SNTG2: variants seen among roughly 807,000 people sequenced by gnomAD.
SNTG2 encodes syntrophin gamma 2.
In SNTG2, 74 loss-of-function variants were observed where a neutral mutation model predicts 70.9. The observed-to-expected ratio is 1.04, with a 90% CI of 0.86 to 1.27. SNTG2 has a LOEUF of 1.27. SNTG2 is among the 50% of genes most tolerant of loss of function. SNTG2 has a pLI of 0.00. For missense variants in SNTG2, 717 were observed against 690.7 expected (o/e 1.04, Z -0.43); for synonymous variants, 278 against 273.8 (o/e 1.02, Z -0.15).
At chr2:1,176,480 C>G (rs186396080) in intron 8 of SNTG2, among the ~76,000 whole-genome samples, 18 of 142,434 alleles carry the variant, frequency 1.3e-4, no homozygotes, top group Admixed American at 1.2e-3. Context: ...TAAATAAAAA[C>G]TTAAACAAAA....
At chr2:1,049,994 T>C (rs1045865002) in intron 1 of SNTG2, among the ~76,000 whole-genome samples, 1 of 152,232 alleles carries the variant, frequency 6.6e-6, no homozygotes, top group African/African-American at 2.4e-5. Context: ...GATTGTGTTA[T>C]TCTCTTTTTT....
At chr2:1,232,284 C>A (rs1215702693) in intron 9 of SNTG2, among the ~76,000 whole-genome samples, 6 of 152,202 alleles carry the variant, frequency 3.9e-5, no homozygotes, top group African/African-American at 1.4e-4. Context: ...TTATTTGTGG[C>A]CTGAATTTCT....
intron 14 of SNTG2, among the ~76,000 whole-genome samples, chr2:1,284,207 G>A (rs545741279): frequency 1.3e-4 from 20 of 152,286 alleles, no homozygotes; most frequent in Non-Finnish European, 2.5e-4. Context: ...TTTCTGCTCC[G>A]TCATTCATTT....
Position 1,310,957 on chromosome 2 carries a change from T to C in SNTG2, c.1377+2371T>C, listed in dbSNP as rs73908840. On this transcript the variant is annotated intron_variant, in intron 15 of 16. Transcript: ENST00000308624. ...TCCAACTCAGCTGAGCTCCTATAAT[T>C]AAAGCGCATTTGTCTACAGCCTGGA... 4.0e-3 allele frequency among the ~76,000 whole-genome samples: 603 copies of C among 152,294 alleles called. 3 individuals carry two copies. Among genetic ancestry groups the C allele is most frequent in the African/African-American group, 0.014 (586 of 41,556 alleles).
chr2:1,290,465 C>A (rs1275753801), intron 14 of SNTG2, among the ~76,000 whole-genome samples: 1 of 152,056 alleles, frequency 6.6e-6, no homozygotes, highest in African/African-American at 2.4e-5. Context: ...TAGACATGCA[C>A]CACCACACCC....
intron 1 of SNTG2, among the ~76,000 whole-genome samples, chr2:993,052 G>T (rs1330505321): frequency 7.0e-6 from 1 of 143,434 alleles, no homozygotes; most frequent in African/African-American, 2.6e-5. Flanking sequence ...TGGTCATACA[G>T]TTGGTCTTTT....
At chr2:1,294,200 C>CATTGGGG (rs1680105988) in intron 14 of SNTG2, among the ~76,000 whole-genome samples, 1 of 152,142 alleles carries the variant, frequency 6.6e-6, no homozygotes, top group Non-Finnish European at 1.5e-5. Context: ...CGCATGGGGA[C>CATTGGGG]ACTGGGGACA....
At chr2:1,170,691 T>C (rs1323195920) in intron 7 of SNTG2, among the ~76,000 whole-genome samples, 2 of 152,164 alleles carry the variant, frequency 1.3e-5, no homozygotes, top group African/African-American at 4.8e-5. Flanking sequence ...CTAGGGAATA[T>C]ATCTGTGTAT....
At chr2:1,241,167 G>A (rs138232877) in intron 11 of SNTG2, among the ~76,000 whole-genome samples, 2 of 152,128 alleles carry the variant, frequency 1.3e-5, no homozygotes, top group Non-Finnish European at 1.5e-5. Context: ...AGACTCTTCC[G>A]AGATCTTAGG....
intron 4 of SNTG2, among the ~76,000 whole-genome samples, chr2:1,129,452 T>C (rs181322695): frequency 5.3e-5 from 8 of 152,334 alleles, no homozygotes; most frequent in Admixed American, 2.6e-4. Flanking sequence ...TTCTGGTAAA[T>C]AGACACAAAT....
intron 8 of SNTG2, among the ~76,000 whole-genome samples, chr2:1,185,083 C>T (rs1433246837): frequency 6.6e-6 from 1 of 152,214 alleles, no homozygotes; most frequent in Non-Finnish European, 1.5e-5. Context: ...AACAAAAGGG[C>T]TGCAGGCCCC....
At chr2:1,034,309 T>A (rs754768796) in intron 1 of SNTG2, among the ~76,000 whole-genome samples, 5 of 152,242 alleles carry the variant, frequency 3.3e-5, no homozygotes, top group Admixed American at 3.3e-4. Flanking sequence ...GACTGCATAG[T>A]ATTCCATGGT....
intron 14 of SNTG2, among the ~76,000 whole-genome samples, chr2:1,299,247 G>A (rs142389565): frequency 1.6e-3 from 238 of 152,296 alleles, no homozygotes; most frequent in African/African-American, 5.2e-3. Context: ...CTAGCCCTGC[G>A]CACATTTCCC....
intron 1 of SNTG2, among the ~76,000 whole-genome samples, chr2:995,862 G>T (rs1661663436): frequency 6.6e-6 from 1 of 152,086 alleles, no homozygotes; most frequent in African/African-American, 2.4e-5. Flanking sequence ...CCCATAGTAT[G>T]TGGAAAAGAA....
chr2:1,304,512 G>C (rs559109291), intron 14 of SNTG2, among the ~76,000 whole-genome samples: 12 of 152,050 alleles, frequency 7.9e-5, no homozygotes, highest in Admixed American at 7.9e-4. Context: ...GGATCACTGC[G>C]TTCAGAAGTT....
intron 1 of SNTG2, among the ~76,000 whole-genome samples, chr2:1,002,284 C>T (rs572671088): frequency 1.3e-5 from 2 of 152,116 alleles, no homozygotes; most frequent in South Asian, 4.1e-4. Context: ...TGCTTCTGCA[C>T]AGTGAAAGAC....
At chr2:1,156,204 C>A (rs967252891) in intron 6 of SNTG2, among the ~76,000 whole-genome samples, 2 of 152,112 alleles carry the variant, frequency 1.3e-5, no homozygotes, top group Non-Finnish European at 2.9e-5. Context: ...AAGGAAGCCA[C>A]ATAAAGGAAA....
chr2:1,163,716 AT>A (rs1670500743), intron 6 of SNTG2: 1 of 152,268 alleles, frequency 6.6e-6, no homozygotes. Flanking sequence ...TTTTAGTGGG[AT>A]TTCATGAGGT....
intron 2 of SNTG2, among the ~76,000 whole-genome samples, chr2:1,087,056 G>A (rs1277601425): frequency 6.6e-6 from 1 of 152,144 alleles, no homozygotes; most frequent in African/African-American, 2.4e-5. Context: ...AATCCGGGGT[G>A]CTAAGGAGCA....
Sources: allele counts gnomAD v4.1 joint callset (sites outside exome capture counted in the v4.1 genomes callset), GRCh38; gene constraint gnomAD v4.1.1; transcripts MANE v1.5; gene names NCBI Gene and HGNC (gene_info 2026-07-23, HGNC 2026-07-21).